The following NEDD4 variants were observed in gnomAD, a reference collection of about 807,000 sequenced individuals.
The protein encoded by NEDD4 is E3 ubiquitin-protein ligase NEDD4.
A neutral mutation model predicts 144.9 loss-of-function variants in NEDD4; 99 were observed. The ratio of observed to expected loss-of-function variants is 0.68; its 90% CI spans 0.58 to 0.81. NEDD4 has a LOEUF of 0.81. Ranked by LOEUF, NEDD4 falls within the 30% of genes least tolerant of loss-of-function variation. The probability of loss-of-function intolerance (pLI) is 0.00; values close to 1 mark genes in which losing one functional copy is unlikely to be tolerated. For synonymous variants in NEDD4, 318 were observed against 350.6 expected (o/e 0.91, Z 1.04); for missense variants, 985 against 1,065.9 (o/e 0.92, Z 1.06).
intron 12 of NEDD4, among the ~76,000 whole-genome samples, chr15:55,855,306 A>C (rs1411011003): frequency 1.3e-5 from 2 of 152,140 alleles, no homozygotes; most frequent in Non-Finnish European, 1.5e-5. Flanking sequence ...ATGGTTGGGG[A>C]AGAAAATGAG....
chr15:55,932,650 A>C (rs1442244170), intron 4 of NEDD4, among the ~76,000 whole-genome samples: 1 of 152,230 alleles, frequency 6.6e-6, no homozygotes, highest in Non-Finnish European at 1.5e-5. Flanking sequence ...AATGGCAACA[A>C]AAGCCAAAAT....
rs1447679290 is a variant in NEDD4 at position 55,869,691 on chromosome 15, AG to A, written c.405-11del. The A allele has an allele frequency of 6.9e-7, 1 of 1,459,766 alleles. No homozygotes were observed. Among genetic ancestry groups the A allele is most frequent in the South Asian group, 1.2e-5 (1 of 81,500 alleles). The allele number at this position is 1,459,766 out of a possible 1,614,324, so 90.4% of individuals were successfully genotyped here. A position where few individuals can be genotyped will look rare whatever the true frequency, so the allele number is the denominator to read the frequency against. ...AACTCTTGATTTGTGACTGTAGAAAAGAAAATAAATATTCATAAAACTTTAA... is the reference window on the plus strand; with the variant it reads ...AACTCTTGATTTGTGACTGTAGAAAAAAAATAAATATTCATAAAACTTTAA... On this transcript the variant is annotated splice_polypyrimidine_tract_variant and intron_variant, in intron 7 of 28. Coordinates refer to ENST00000435532, the MANE Select transcript of NEDD4 (RefSeq NM_006154.4).
chr15:55,859,254 C>G (rs769858173), intron 11 of NEDD4, among the ~76,000 whole-genome samples: 1 of 152,178 alleles, frequency 6.6e-6, no homozygotes, highest in Non-Finnish European at 1.5e-5. Context: ...ATCGTGGAAG[C>G]ATATGCTGGG....
At chr15:55,959,971 G>T (rs2037399346) in intron 2 of NEDD4, among the ~76,000 whole-genome samples, 1 of 152,126 alleles carries the variant, frequency 6.6e-6, no homozygotes, top group Non-Finnish European at 1.5e-5. Flanking sequence ...CCAGAAGCAG[G>T]TCTTAGTCAC....
intron 1 of NEDD4, among the ~76,000 whole-genome samples, chr15:55,976,826 G>A (rs2037707977): frequency 6.6e-6 from 1 of 151,994 alleles, no homozygotes; most frequent in Admixed American, 6.5e-5. Flanking sequence ...GTACAGACGG[G>A]GTTTCACCGT....
chr15:55,894,770 A>ATTAAAATGCT (rs1264472615), intron 5 of NEDD4, among the ~76,000 whole-genome samples: 1 of 152,142 alleles, frequency 6.6e-6, no homozygotes, highest in Non-Finnish European at 1.5e-5. Flanking sequence ...TAAAAATACA[A>ATTAAAATGCT]ACCATTTTTT....
chr15:55,839,974 A>AAC, intron 21 of NEDD4, among the ~76,000 whole-genome samples: 1 of 11,114 alleles, frequency 9.0e-5, no homozygotes, highest in African/African-American at 2.8e-4. Flanking sequence ...ACTCTGTCTC[A>AAC]AAAAAAAAAA....
chr15:55,977,818 G>A (rs1304624577), intron 1 of NEDD4, among the ~76,000 whole-genome samples: 1 of 151,774 alleles, frequency 6.6e-6, no homozygotes, highest in Non-Finnish European at 1.5e-5. Flanking sequence ...TATTCCATGG[G>A]CCCTGATGGT....
At chr15:55,833,368 A>C (rs1016505081) in intron 26 of NEDD4, among the ~76,000 whole-genome samples, 1 of 152,268 alleles carries the variant, frequency 6.6e-6, no homozygotes. Flanking sequence ...TGACTTTTAA[A>C]AATTATATGC....
Position 55,829,263 on chromosome 15 carries a change from G to A in NEDD4, c.*634C>T, listed in dbSNP as rs2032829914. 6.6e-6 allele frequency: 1 copy of A among 152,198 alleles called. No individual in the cohort carries two copies. The highest frequency in any genetic ancestry group is 2.4e-5 in the African/African-American group (1 of 41,450). 9.4% of individuals were successfully genotyped at this position (152,198 alleles called of 1,614,324 possible). On this transcript the variant is annotated 3_prime_UTR_variant, in exon 29 of 29. Transcript: ENST00000435532. ...TTAACAAAAGCCAAATACTTCGAAA[G>A]TGAAGAAGTAAACAGTTTTTCTGTG...
intron 4 of NEDD4, among the ~76,000 whole-genome samples, chr15:55,924,939 G>A (rs932348219): frequency 3.3e-5 from 5 of 152,160 alleles, no homozygotes; most frequent in Admixed American, 6.5e-5. Context: ...ATGGTGGCAT[G>A]TGCCTGTAGT....
intron 4 of NEDD4, among the ~76,000 whole-genome samples, chr15:55,945,831 C>A (rs887623849): frequency 6.6e-6 from 1 of 151,882 alleles, no homozygotes; most frequent in African/African-American, 2.4e-5. Flanking sequence ...ACCTTACAAG[C>A]CAGAAGACAG....
intron 5 of NEDD4, among the ~76,000 whole-genome samples, chr15:55,891,533 A>G (rs1355030262): frequency 6.6e-6 from 1 of 152,200 alleles, no homozygotes; most frequent in Non-Finnish European, 1.5e-5. Context: ...GTTATTTCCT[A>G]TATTTGAACT....
intron 17 of NEDD4, 57 bp downstream of exon 17, chr15:55,848,315 C>G: frequency 3.2e-6 from 5 of 1,550,128 alleles, no homozygotes; most frequent in African/African-American, 1.4e-5. Context: ...ACTATCTGCT[C>G]TTGAAGAGAC....
chr15:55,928,355 A>G (rs2036716280), intron 4 of NEDD4, among the ~76,000 whole-genome samples: 1 of 152,140 alleles, frequency 6.6e-6, no homozygotes, highest in South Asian at 2.1e-4. Flanking sequence ...AATCGGACTT[A>G]CCTAGAAGAC....
rs544189342 is a variant in NEDD4, at chr15:55,991,337, A to C, written c.45+2174T>G. ...GGAGTGTGGTTTCAATCCTTCTTTT[A>C]CTTTTGTGATAGACCAGAAAATAAA... On this transcript the variant is annotated intron_variant, in intron 1 of 28. Transcript: ENST00000435532. Among the ~76,000 whole-genome samples, 12 of 152,210 alleles carry C rather than the reference A, an allele frequency of 7.9e-5. No individual in the cohort carries two copies. The South Asian group carries it at 1.7e-3, about 21-fold the overall frequency.
chr15:55,946,894 C>G (rs1158997874), intron 4 of NEDD4, among the ~76,000 whole-genome samples: 1 of 152,214 alleles, frequency 6.6e-6, no homozygotes, highest in Admixed American at 6.5e-5. Context: ...GAACAACCTG[C>G]TCCTGAATGA....
intron 7 of NEDD4, 90 bp from the exon 8 acceptor site, chr15:55,869,771 C>G (rs1260685092): frequency 1.3e-6 from 1 of 797,824 alleles, no homozygotes; most frequent in Non-Finnish European, 2.0e-6. Context: ...CCACTAGGTA[C>G]CAGGGGGTCT....
chr15:55,874,014 A>G lies in NEDD4; in HGVS notation c.292-6T>C, dbSNP rs1169073155. 2 of 1,488,372 alleles carry G rather than the reference A, an allele frequency of 1.3e-6. No homozygotes were observed. Among genetic ancestry groups the G allele is most frequent in the South Asian group, 2.5e-5 (2 of 79,162 alleles). 92.2% of individuals were successfully genotyped at this position (1,488,372 alleles called of 1,614,324 possible). ...CCTAGGAAATCATCTCTTGTCTATA[A>G]GAGAAGGAAGAAAAAATATAATTAG... On this transcript the variant is annotated splice_region_variant and splice_polypyrimidine_tract_variant and intron_variant, in intron 5 of 28. Transcript: ENST00000435532.
Sources: gnomAD v4.1 joint callset for allele counts (sites outside exome capture counted in the v4.1 genomes callset) on GRCh38, gnomAD v4.1.1 for gene constraint, MANE v1.5 for transcripts, NCBI Gene and HGNC (gene_info 2026-07-23, HGNC 2026-07-21) for gene names.